Variants in CDKAL1 observed in about 807,000 individuals in gnomAD.
The protein encoded by CDKAL1 is threonylcarbamoyladenosine tRNA methylthiotransferase.
CDKAL1 carries 32 observed loss-of-function variants against 68.2 expected under a neutral mutation model. The ratio of observed to expected loss-of-function variants is 0.47; its 90% CI spans 0.35 to 0.63. The LOEUF is 0.63. Ranked by LOEUF, CDKAL1 falls within the 30% of genes least tolerant of loss-of-function variation. CDKAL1 has a pLI of 0.00. For synonymous variants in CDKAL1, 234 were observed against 244.3 expected (o/e 0.96, Z 0.39); for missense variants, 606 against 696.7 (o/e 0.87, Z 1.47).
intron 5 of CDKAL1, among the ~76,000 whole-genome samples, chr6:20,663,656 C>T (rs1033617988): frequency 1.3e-5 from 2 of 151,972 alleles, no homozygotes; most frequent in Admixed American, 6.6e-5. Flanking sequence ...CCTGCAATGA[C>T]CATATTTGAA....
At chr6:21,139,254 A>T (rs1179522328) in intron 13 of CDKAL1, among the ~76,000 whole-genome samples, 1 of 152,176 alleles carries the variant, frequency 6.6e-6, no homozygotes, top group East Asian at 1.9e-4. Context: ...TGACCCACAA[A>T]GAGATCCACA....
At chr6:21,130,305 A>G (rs1775246435) in intron 13 of CDKAL1, among the ~76,000 whole-genome samples, 1 of 148,378 alleles carries the variant, frequency 6.7e-6, no homozygotes, top group South Asian at 2.1e-4. Context: ...GCTCACTGCA[A>G]CCTCTGCCTC....
intron 13 of CDKAL1, among the ~76,000 whole-genome samples, chr6:21,111,101 T>C (rs1774099627): frequency 6.6e-6 from 1 of 152,176 alleles, no homozygotes; most frequent in Non-Finnish European, 1.5e-5. Flanking sequence ...TTATTCTGCA[T>C]TTTTCTATAT....
At chr6:20,931,163 C>A (rs1313568265) in intron 9 of CDKAL1, among the ~76,000 whole-genome samples, 1 of 152,170 alleles carries the variant, frequency 6.6e-6, no homozygotes, top group Admixed American at 6.5e-5. Context: ...TAAAGCTTAG[C>A]CTAACTGCAT....
At chr6:20,859,613 A>G (rs1759509510) in intron 9 of CDKAL1, among the ~76,000 whole-genome samples, 1 of 152,238 alleles carries the variant, frequency 6.6e-6, no homozygotes, top group African/African-American at 2.4e-5. Flanking sequence ...TGGAAAGACA[A>G]TTCAAAGAAT....
intron 9 of CDKAL1, among the ~76,000 whole-genome samples, chr6:20,932,803 C>T (rs973902730): frequency 2.0e-5 from 3 of 152,076 alleles, no homozygotes; most frequent in Non-Finnish European, 4.4e-5. Context: ...AACCTTTTTA[C>T]TGATGAAATC....
At chr6:21,223,058 G>A (rs923433314) in intron 15 of CDKAL1, among the ~76,000 whole-genome samples, 2 of 152,090 alleles carry the variant, frequency 1.3e-5, no homozygotes, top group African/African-American at 4.8e-5. Context: ...CATAACATGC[G>A]GCTGACTTTT....
chr6:20,744,388 G>A (rs1449947895), intron 6 of CDKAL1, among the ~76,000 whole-genome samples: 1 of 152,156 alleles, frequency 6.6e-6, no homozygotes, highest in Non-Finnish European at 1.5e-5. Context: ...AGTACTTACT[G>A]AGTGCCTACT....
At chr6:21,143,104 G>A (rs776356449) in intron 13 of CDKAL1, among the ~76,000 whole-genome samples, 12 of 152,188 alleles carry the variant, frequency 7.9e-5, no homozygotes, top group Non-Finnish European at 1.5e-4. Context: ...TGTAGGGAAC[G>A]TAGTTAATTT....
At chr6:20,556,213 A>G (rs935428305) in intron 4 of CDKAL1, among the ~76,000 whole-genome samples, 1 of 152,012 alleles carries the variant, frequency 6.6e-6, no homozygotes, top group Non-Finnish European at 1.5e-5. Flanking sequence ...AAAAATACAA[A>G]AATTAGCCTG....
At chr6:21,183,631 A>G (rs1777886833) in intron 13 of CDKAL1, among the ~76,000 whole-genome samples, 1 of 152,200 alleles carries the variant, frequency 6.6e-6, no homozygotes, top group South Asian at 2.1e-4. Context: ...CTGTCTTCTT[A>G]TAATAAATGG....
chr6:20,828,418 AG>A (rs1363911057), intron 8 of CDKAL1, among the ~76,000 whole-genome samples: 1 of 151,858 alleles, frequency 6.6e-6, no homozygotes, highest in Admixed American at 6.6e-5. Context: ...TAGTAGATAC[AG>A]GGTTTTGCCA....
intron 5 of CDKAL1, among the ~76,000 whole-genome samples, chr6:20,703,464 C>G (rs945398088): frequency 3.3e-5 from 5 of 151,960 alleles, no homozygotes; most frequent in Admixed American, 2.6e-4. Flanking sequence ...AAAAAAAAAC[C>G]CAACTCTTTT....
At chr6:21,153,797 G>T (rs1776522873) in intron 13 of CDKAL1, among the ~76,000 whole-genome samples, 1 of 152,062 alleles carries the variant, frequency 6.6e-6, no homozygotes. Flanking sequence ...TTCCCTGTGT[G>T]GACAGAACTA....
intron 11 of CDKAL1, among the ~76,000 whole-genome samples, chr6:21,024,941 C>A (rs564197033): frequency 1.3e-5 from 2 of 152,248 alleles, no homozygotes; most frequent in South Asian, 4.2e-4. Context: ...ACTGATGGAC[C>A]CCACATCTTT....
chr6:20,601,019 C>T (rs142777743), intron 4 of CDKAL1, among the ~76,000 whole-genome samples: 46 of 152,070 alleles, frequency 3.0e-4, no homozygotes, highest in African/African-American at 9.9e-4. Context: ...TGTATTTACT[C>T]AGATTGATCC....
In CDKAL1 at chr6:20,832,430, A is replaced by T. The variant is rs150576449; in HGVS notation, c.639-13645A>T. Among the ~76,000 whole-genome samples, 373 of 152,158 alleles carry T rather than the reference A, an allele frequency of 2.5e-3. 2 individuals carry two copies. The highest frequency in any genetic ancestry group is 8.4e-3 in the African/African-American group (348 of 41,524). On this transcript the variant is annotated intron_variant, in intron 8 of 15. Coordinates refer to ENST00000274695, the MANE Select transcript of CDKAL1 (RefSeq NM_017774.3). ...CCTAGAAAGATTGCAAATTCAAAGC[A>T]ATTTGTTAGCCTGGTTAACATAGTG...
chr6:20,590,531 C>T (rs764073550), intron 4 of CDKAL1, among the ~76,000 whole-genome samples: 14 of 152,048 alleles, frequency 9.2e-5, no homozygotes, highest in East Asian at 1.9e-4. Context: ...CAACAGCCCC[C>T]GGTGTGTGAT....
intron 4 of CDKAL1, among the ~76,000 whole-genome samples, chr6:20,592,381 C>T (rs546130786): frequency 4.6e-5 from 7 of 151,862 alleles, no homozygotes; most frequent in African/African-American, 1.7e-4. Context: ...CTGGCCAGAA[C>T]TTCTAATACT....
Sources: gnomAD v4.1 joint callset for allele counts (sites outside exome capture counted in the v4.1 genomes callset) on GRCh38, gnomAD v4.1.1 for gene constraint, MANE v1.5 for transcripts, NCBI Gene and HGNC (gene_info 2026-07-23, HGNC 2026-07-21) for gene names.